CHRNA6: variants seen among roughly 807,000 people sequenced by gnomAD.
The protein encoded by CHRNA6 is neuronal acetylcholine receptor subunit alpha-6.
In CHRNA6, 31 loss-of-function variants were observed where a neutral mutation model predicts 40.9. The observed-to-expected ratio is 0.76, with a 90% CI of 0.57 to 1.02. The LOEUF is 1.02. CHRNA6 is among the 50% of genes least tolerant of loss of function. The probability of loss-of-function intolerance (pLI) is 0.00; values close to 1 mark genes in which losing one functional copy is unlikely to be tolerated. For synonymous variants in CHRNA6, 222 were observed against 221.3 expected (o/e 1.00, Z -0.03); for missense variants, 546 against 596.6 (o/e 0.92, Z 0.88).
intron 2 of CHRNA6, among the ~76,000 whole-genome samples, chr8:42,759,857 G>A (rs1816869889): frequency 6.8e-6 from 1 of 147,112 alleles, no homozygotes; most frequent in South Asian, 2.1e-4. Context: ...CGGAGATCGT[G>A]CCACTGTACT....
At chr8:42,762,028 T>A (rs1816911845) in intron 2 of CHRNA6, among the ~76,000 whole-genome samples, 1 of 152,028 alleles carries the variant, frequency 6.6e-6, no homozygotes, top group African/African-American at 2.4e-5. Context: ...AACCAGAAAA[T>A]TTTCTGGCCA....
At chr8:42,758,950 G>T in intron 3 of CHRNA6, 119 bp downstream of exon 3, 1 of 788,550 alleles carries the variant, frequency 1.3e-6, no homozygotes. Flanking sequence ...TTTAGGCTTT[G>T]GAGATGACCT....
At chr8:42,755,795 C>A in intron 5 of CHRNA6, 51 bp downstream of exon 5, 2 of 1,571,338 alleles carry the variant, frequency 1.3e-6, no homozygotes, top group South Asian at 2.4e-5. Flanking sequence ...CCAGAGTGCC[C>A]ATAGGCTGCA....
In CHRNA6 at chr8:42,756,819, A is replaced by G; in HGVS notation, c.380T>C (p.Val127Ala). The G allele has an allele frequency of 6.2e-7, 1 of 1,607,402 alleles. No homozygotes were observed. Among genetic ancestry groups the G allele is most frequent in the Non-Finnish European group, 8.5e-7 (1 of 1,177,680 alleles). The change falls in exon 5 of 6, where the codon GTT (valine) becomes GCT (alanine). Residue 127 changes from valine (V) to alanine (A), a missense_variant. Around this residue, in one of 3 missense-constraint regions of CHRNA6, gnomAD observed 476 missense variants for 494.5 expected, o/e 0.96. Transcript: ENST00000276410. ...KPDIVLYNNA[V>A]GDFQVEGKTK... ...TTTGCCTTCTACTTGGAAGTCACCA[A>G]CAGCACTGCAAAGCAAGTCAGACAC... is the stretch of plus-strand genomic sequence containing the variant.
intron 1 of CHRNA6, among the ~76,000 whole-genome samples, chr8:42,765,568 G>T (rs560966133): frequency 5.3e-4 from 81 of 152,352 alleles, no homozygotes; most frequent in African/African-American, 1.9e-3. Flanking sequence ...CAGTCTTACT[G>T]ATGGCACTAG....
intron 5 of CHRNA6, among the ~76,000 whole-genome samples, chr8:42,754,643 A>G (rs1816765805): frequency 6.6e-6 from 1 of 152,156 alleles, no homozygotes; most frequent in African/African-American, 2.4e-5. Flanking sequence ...ACTAGGAGCG[A>G]TGGCTGCCAG....
chr8:42,753,508 T>C (rs1816752649), intron 5 of CHRNA6, among the ~76,000 whole-genome samples, 198 bp from the exon 6 acceptor site: 1 of 152,040 alleles, frequency 6.6e-6, no homozygotes. Context: ...ACCCTGTCTC[T>C]ACTAAAAATA....
intron 5 of CHRNA6, 140 bp from the exon 6 acceptor site, chr8:42,753,450 G>A: frequency 1.3e-6 from 1 of 765,310 alleles, no homozygotes; most frequent in Non-Finnish European, 2.1e-6. Flanking sequence ...TGGGTGGGAG[G>A]ATCATCTGAG....
rs376849555 is a variant in CHRNA6, at chr8:42,756,220, T to C, written c.979A>G (p.Ile327Val). The part of the protein sequence containing the change: ...SIVVTVFVLN[I>V]HYRTPTTHTM... ...TGCGTGGTTGGGGTGCGGTAGTGTATGTTCAACACAAACACAGTCACCACG... is the reference window on the plus strand; with the variant it reads ...TGCGTGGTTGGGGTGCGGTAGTGTACGTTCAACACAAACACAGTCACCACG... Residue 327 changes from isoleucine (I) to valine (V), a missense_variant, in exon 5 of 6, where the codon ATA (isoleucine) becomes GTA (valine). Physicochemically the swap from Ile to Val is conservative, Grantham distance 29. Transcript: ENST00000276410. 2.5e-5 allele frequency: 41 copies of C among 1,614,102 alleles called. No individual in the cohort carries two copies. Among genetic ancestry groups the C allele is most frequent in the Non-Finnish European group, 3.2e-5 (38 of 1,180,044 alleles).
Position 42,756,591 on chromosome 8 carries a change from T to C in CHRNA6, c.608A>G (p.Asn203Ser). The C allele has an allele frequency of 6.2e-7, 1 of 1,614,168 alleles. No homozygotes were observed. Residue 203 changes from asparagine (N) to serine (S), a missense_variant, in exon 5 of 6, where the codon AAC becomes AGC. Physicochemically the swap from Asn to Ser is conservative, Grantham distance 46. Around this residue, in one of 3 missense-constraint regions of CHRNA6, gnomAD observed 476 missense variants for 494.5 expected, o/e 0.96. Coordinates refer to ENST00000276410, the MANE Select transcript of CHRNA6 (RefSeq NM_004198.3). ...SKVDMNDFWE[N>S]SEWEIIDASG... is the part of the protein sequence containing the mutation. Reference sequence around the variant, plus strand: ...GGCATCAATGATTTCCCATTCACTGTTTTCCCAAAAATCATTCATATCCAC... The same window carrying C: ...GGCATCAATGATTTCCCATTCACTGCTTTCCCAAAAATCATTCATATCCAC...
chr8:42,763,028 T>C (rs1272884500), intron 2 of CHRNA6, among the ~76,000 whole-genome samples: 2 of 152,172 alleles, frequency 1.3e-5, no homozygotes, highest in African/African-American at 4.8e-5. Flanking sequence ...AAGCAGCAGC[T>C]CTTACGGAAA....
In CHRNA6 at chr8:42,756,238, T is replaced by C. The variant is rs1475918111; in HGVS notation, c.961A>G (p.Thr321Ala). The C allele has an allele frequency of 6.2e-7, 1 of 1,614,212 alleles. No individual in the cohort carries two copies. The highest frequency in any genetic ancestry group is 1.3e-5 in the African/African-American group (1 of 75,058). The change falls in exon 5 of 6, where the codon ACT becomes GCT. Residue 321 changes from threonine (T) to alanine (A), a missense_variant. Physicochemically the swap from Thr to Ala is moderately conservative, Grantham distance 58 (BLOSUM62 0). Coordinates refer to ENST00000276410, the MANE Select transcript of CHRNA6 (RefSeq NM_004198.3). ...MIFVTLSIVV[T>A]VFVLNIHYRT... ...TAGTGTATGTTCAACACAAACACAG[T>C]CACCACGATGGACAGTGTGACAAAG...
Position 42,756,425 on chromosome 8 carries a change from G to A in CHRNA6, c.774C>T (p.Thr258=), listed in dbSNP as rs141129760. The A allele has an allele frequency of 1.2e-4, 196 of 1,614,198 alleles. No individual in the cohort carries two copies. Among genetic ancestry groups the A allele is most frequent in the Non-Finnish European group, 1.6e-4 (183 of 1,180,024 alleles). ...CCGAAGGAAGGTAAAAGACCAACAC[G>A]GTTAGAAATGAAATAAAGAGACAAG... ...IIPCLFISFL[T]VLVFYLPSDC... is the part of the protein sequence containing the mutation. Residue 258 remains threonine (T), a synonymous_variant, in exon 5 of 6, where the codon ACC becomes ACT. Coordinates refer to ENST00000276410, the MANE Select transcript of CHRNA6 (RefSeq NM_004198.3).
At chr8:42,758,427 C>T (rs1816844217) in intron 3 of CHRNA6, among the ~76,000 whole-genome samples, 1 of 151,626 alleles carries the variant, frequency 6.6e-6, no homozygotes, top group Non-Finnish European at 1.5e-5. Context: ...GTGGTGCAAT[C>T]TCAGCTCACT....
intron 1 of CHRNA6, among the ~76,000 whole-genome samples, chr8:42,767,220 G>T (rs1816987250): frequency 6.6e-6 from 1 of 152,178 alleles, no homozygotes; most frequent in African/African-American, 2.4e-5. Context: ...GCCTGCCTCT[G>T]CCTCCCAAAG....
intron 1 of CHRNA6, among the ~76,000 whole-genome samples, chr8:42,767,319 G>T (rs1263400159): frequency 6.6e-6 from 1 of 152,156 alleles, no homozygotes; most frequent in Non-Finnish European, 1.5e-5. Flanking sequence ...AGCACTTTCA[G>T]TCACTAAATT....
In CHRNA6 at chr8:42,768,432, G is replaced by A. The variant is rs1031157903; in HGVS notation, c.-2C>T. 1 of 1,612,670 alleles carries A rather than the reference G, an allele frequency of 6.2e-7. No individual in the cohort carries two copies. The highest frequency in any genetic ancestry group is 8.5e-7 in the Non-Finnish European group (1 of 1,178,868). ...TCCCTGCCCCTTGCTGGTCAGCATG[G>A]TTAAAACACACTTGGATTCCTTTTT... On this transcript the variant is annotated 5_prime_UTR_variant, in exon 1 of 6. Transcript: ENST00000276410.
intron 3 of CHRNA6, among the ~76,000 whole-genome samples, chr8:42,757,289 G>A (rs1377797922): frequency 2.0e-5 from 3 of 151,588 alleles, no homozygotes; most frequent in African/African-American, 7.3e-5. Flanking sequence ...TCTCTTGAAC[G>A]TGGGGGGCAG....
chr8:42,754,467 C>T (rs966838432), intron 5 of CHRNA6, among the ~76,000 whole-genome samples: 2 of 152,144 alleles, frequency 1.3e-5, no homozygotes, highest in Non-Finnish European at 2.9e-5. Flanking sequence ...TGCCACCATG[C>T]CCTACTAATT....
Sources: allele counts gnomAD v4.1 joint callset (sites outside exome capture counted in the v4.1 genomes callset), GRCh38; gene constraint gnomAD v4.1.1; regional missense constraint gnomAD v4.1.1; transcripts MANE v1.5; gene names NCBI Gene and HGNC (gene_info 2026-07-23, HGNC 2026-07-21).